ZFP1: variants seen among roughly 807,000 people sequenced by gnomAD.
ZFP1 encodes the protein ZFP1 zinc finger protein.
A neutral mutation model predicts 38.5 loss-of-function variants in ZFP1; 32 were observed. The ratio of observed to expected loss-of-function variants is 0.83; its 90% CI spans 0.63 to 1.12. The LOEUF is 1.12. ZFP1 is among the 50% of genes most tolerant of loss of function. The pLI is 0.00. For missense variants in ZFP1, 616 were observed against 480.8 expected, an observed-to-expected ratio of 1.28 and a Z score of -2.63; for synonymous variants, 245 against 168.8, an observed-to-expected ratio of 1.45 and a Z score of -3.50.
At chr16:75,163,946 G>A (rs1253611675) in intron 2 of ZFP1, among the ~76,000 whole-genome samples, 1 of 152,162 alleles carries the variant, frequency 6.6e-6, no homozygotes, top group African/African-American at 2.4e-5. Flanking sequence ...AAATTTTCTT[G>A]ACCATTAAAG....
chr16:75,168,686 A>C (rs1792311619), intron 3 of ZFP1, among the ~76,000 whole-genome samples: 2 of 152,202 alleles, frequency 1.3e-5, no homozygotes, highest in Admixed American at 1.3e-4. Flanking sequence ...TCTGGTTGTC[A>C]CTGCAAACCT....
chr16:75,131,659 T>C, the ZFP1 span, among the ~76,000 whole-genome samples: 5 of 152,006 alleles, frequency 3.3e-5, no homozygotes, highest in Non-Finnish European at 7.4e-5. Context: ...CTTACCTGGA[T>C]TGTCTCAAAA....
rs1050643712 is a variant in ZFP1, at chr16:75,171,781, C to T, written c.*1447C>T. On this transcript the variant is annotated 3_prime_UTR_variant, in exon 4 of 4. Transcript: ENST00000570010. ...CAAATTTATCCAGAACATCCATAGC[C>T]CAATAAGCTTTTGTCTAAGTTGTCA... 6.6e-6 allele frequency: 1 copy of T among 152,136 alleles called. No homozygotes were observed. The highest frequency in any genetic ancestry group is 1.5e-5 in the Non-Finnish European group (1 of 68,026). 9.4% of individuals were successfully genotyped at this position (152,136 alleles called of 1,614,324 possible). A position where few individuals can be genotyped will look rare whatever the true frequency, so the allele number is the denominator to read the frequency against.
chr16:75,123,974 G>A, the ZFP1 span, among the ~76,000 whole-genome samples: 166 of 151,538 alleles, frequency 1.1e-3, no homozygotes, highest in South Asian at 3.7e-3. Flanking sequence ...CGCACCTGTA[G>A]TCCCAACTAC....
At chr16:75,150,782 G>A (rs922122758) in intron 1 of ZFP1, among the ~76,000 whole-genome samples, 1 of 152,118 alleles carries the variant, frequency 6.6e-6, no homozygotes, top group Non-Finnish European at 1.5e-5. Flanking sequence ...ACTGTTTCGT[G>A]TGTATTTGAA....
At chr16:75,123,676 C>G in the ZFP1 span, among the ~76,000 whole-genome samples, 24 of 151,230 alleles carry the variant, frequency 1.6e-4, no homozygotes, top group East Asian at 4.4e-3. Flanking sequence ...CAGAGTTTCA[C>G]TATGTTGCCC....
chr16:75,128,475 G>A, the ZFP1 span, among the ~76,000 whole-genome samples: 48 of 152,154 alleles, frequency 3.2e-4, no homozygotes, highest in Non-Finnish European at 5.6e-4. Flanking sequence ...GTAAAAATAG[G>A]AAACTAGAGA....
Position 75,169,412 on chromosome 16 carries a change from A to G in ZFP1, c.302A>G (p.Gln101Arg), listed in dbSNP as rs146706132. 1,296 of 1,614,042 alleles carry G rather than the reference A, an allele frequency of 8.0e-4. No homozygotes were observed. Among genetic ancestry groups the G allele is most frequent in the Admixed American group, 1.3e-3 (77 of 59,980 alleles). ...AACACAGACTTTGTTTCTTTAAGAC[A>G]AGTACCTTATAAATATGACTTATAT... The part of the protein sequence containing the change: ...NLNTDFVSLR[Q>R]VPYKYDLYEK... The change falls in exon 4 of 4, where the codon CAA (glutamine) becomes CGA (arginine). Residue 101 changes from glutamine to arginine, a missense_variant. Physicochemically the swap from Gln to Arg is conservative, Grantham distance 43. Coordinates refer to ENST00000570010, the MANE Select transcript of ZFP1 (RefSeq NM_153688.4).
chr16:75,145,779 A>T (rs72626191), upstream of ZFP1, among the ~76,000 whole-genome samples: 18,795 of 150,360 alleles, frequency 0.12, 2,057 homozygotes, highest in East Asian at 0.63. Context: ...CCCTCACTCA[A>T]TAAAACCTCT....
intron 1 of ZFP1, among the ~76,000 whole-genome samples, chr16:75,149,695 A>G (rs2037088574): frequency 1.3e-5 from 2 of 151,462 alleles, no homozygotes; most frequent in Admixed American, 6.6e-5. Flanking sequence ...AGTAGCTGGG[A>G]TTACAGGCGT....
At chr16:75,165,060 C>T (rs2037990895) in intron 2 of ZFP1, among the ~76,000 whole-genome samples, 1 of 152,144 alleles carries the variant, frequency 6.6e-6, no homozygotes, top group Admixed American at 6.5e-5. Flanking sequence ...CCACTTCAGC[C>T]TCCCAAAGTG....
the ZFP1 span, among the ~76,000 whole-genome samples, chr16:75,139,993 G>A: frequency 6.6e-6 from 1 of 152,160 alleles, no homozygotes; most frequent in Admixed American, 6.5e-5. Flanking sequence ...GGCTGGCCAG[G>A]CATAGTGGCT....
At chr16:75,142,951 C>G in the ZFP1 span, among the ~76,000 whole-genome samples, 1 of 151,768 alleles carries the variant, frequency 6.6e-6, no homozygotes, top group Non-Finnish European at 1.5e-5. Flanking sequence ...ATCTGCCTAC[C>G]TTGGCCTCCC....
the ZFP1 span, among the ~76,000 whole-genome samples, chr16:75,136,340 T>C: frequency 4.6e-5 from 7 of 152,302 alleles, no homozygotes; most frequent in South Asian, 1.2e-3. Context: ...GTCAATGAAG[T>C]TGTTTTTTGC....
the ZFP1 span, among the ~76,000 whole-genome samples, chr16:75,139,382 A>AC: frequency 4.6e-3 from 679 of 147,228 alleles, 17 homozygotes; most frequent in African/African-American, 0.017. Context: ...AAAAAAAAAA[A>AC]AAAAAAAAAA....
rs2037598967 is a variant in ZFP1 at position 75,158,822 on chromosome 16, G to T, written c.15+5856G>T. Among the ~76,000 whole-genome samples the T allele has an allele frequency of 3.3e-5, 5 of 150,164 alleles. No homozygotes were observed. In the South Asian group the frequency reaches 8.4e-4, roughly 25 times the overall value. ...TATTACTTTACAGTTCGTCTGAAGT[G>T]TTTATGGGTTAAAACTAATATATAG... On this transcript the variant is annotated intron_variant, in intron 2 of 3. Coordinates refer to ENST00000570010, the MANE Select transcript of ZFP1 (RefSeq NM_153688.4).
At chr16:75,168,562 T>C (rs1465546771) in intron 3 of ZFP1, among the ~76,000 whole-genome samples, 4 of 150,702 alleles carry the variant, frequency 2.7e-5, no homozygotes, top group African/African-American at 4.9e-5. Context: ...AAAAAAGCAA[T>C]AAAACCAGCA....
At chr16:75,138,367 A>T in the ZFP1 span, among the ~76,000 whole-genome samples, 1 of 152,110 alleles carries the variant, frequency 6.6e-6, no homozygotes, top group African/African-American at 2.4e-5. Context: ...GACTGTGCAG[A>T]GTGACTTCCT....
chr16:75,159,335 CTCCCTCCCTCCCTCCCTTCTTTCCTT>C (rs2037639515), intron 2 of ZFP1, among the ~76,000 whole-genome samples: 1 of 6,470 alleles, frequency 1.5e-4, no homozygotes, highest in African/African-American at 2.5e-4. Flanking sequence ...CCCTCCCTCC[CTCCCTCCCTCCCTCCCTTCTTTCCTT>C]TCCCTCCCTC....
Sources: allele counts gnomAD v4.1 joint callset (sites outside exome capture counted in the v4.1 genomes callset), GRCh38; gene constraint gnomAD v4.1.1; transcripts MANE v1.5; gene names NCBI Gene and HGNC (gene_info 2026-07-23, HGNC 2026-07-21).